Variants in TJP1 observed in about 807,000 individuals in gnomAD.
TJP1 encodes tight junction protein 1.
TJP1 carries 43 observed loss-of-function variants against 194.2 expected under a neutral mutation model. The observed-to-expected ratio is 0.22, with a 90% CI of 0.17 to 0.29. The LOEUF is 0.29. TJP1 is among the 10% of genes least tolerant of loss of function. The pLI, the probability that TJP1 is intolerant of heterozygous loss-of-function variation, is 1.00. For synonymous variants in TJP1, 801 were observed against 779.0 expected (o/e 1.03, Z -0.47); for missense variants, 1,971 against 2,185.7 (o/e 0.90, Z 1.96).
At chr15:29,746,377 C>CAA (rs527673578) in intron 8 of TJP1, among the ~76,000 whole-genome samples, 4 of 120,412 alleles carry the variant, frequency 3.3e-5, no homozygotes, top group East Asian at 2.4e-4. Context: ...GACTCCGTCT[C>CAA]AAAAAAAAAA....
At chr15:29,752,718 T>A (rs997940981) in intron 8 of TJP1, among the ~76,000 whole-genome samples, 4 of 152,170 alleles carry the variant, frequency 2.6e-5, no homozygotes, top group African/African-American at 9.7e-5. Flanking sequence ...CTTTGAAATG[T>A]TAGATAAAAC....
chr15:29,759,938 C>A (rs2151513563), intron 8 of TJP1: 1 of 405,662 alleles, frequency 2.5e-6, no homozygotes, highest in African/African-American at 2.0e-5. Context: ...GTGCAGATAT[C>A]TCTTCGAGAC....
At chr15:29,958,903 T>C (rs62014522) in intron 1 of TJP1, among the ~76,000 whole-genome samples, 82 of 122,668 alleles carry the variant, frequency 6.7e-4, no homozygotes, top group South Asian at 1.6e-3. Context: ...TTCTCCAGAT[T>C]GCAAACTTGC....
At chr15:29,828,019 A>G (rs970332513) in intron 2 of TJP1, among the ~76,000 whole-genome samples, 1 of 152,232 alleles carries the variant, frequency 6.6e-6, no homozygotes, top group Admixed American at 6.5e-5. Flanking sequence ...TGCAATTGAT[A>G]TATTTTTTAA....
chr15:29,901,454 C>T (rs1168528395), intron 2 of TJP1, among the ~76,000 whole-genome samples: 1 of 152,158 alleles, frequency 6.6e-6, no homozygotes, highest in Non-Finnish European at 1.5e-5. Context: ...CTCCTTGGGG[C>T]CTTCTCTATC....
At chr15:29,783,547 G>A (rs374460796) in intron 2 of TJP1, among the ~76,000 whole-genome samples, 47 of 152,212 alleles carry the variant, frequency 3.1e-4, no homozygotes, top group African/African-American at 1.0e-3. Context: ...AGCACTATTC[G>A]CAATAGCTAA....
intron 27 of TJP1, among the ~76,000 whole-genome samples, chr15:29,703,895 A>C (rs1595540381): frequency 6.6e-6 from 1 of 152,180 alleles, no homozygotes; most frequent in Admixed American, 6.5e-5. Flanking sequence ...CACTTGCCTC[A>C]GCCTCCCAAA....
At chr15:29,850,415 C>T (rs1312607003) in intron 2 of TJP1, among the ~76,000 whole-genome samples, 1 of 152,122 alleles carries the variant, frequency 6.6e-6, no homozygotes, top group East Asian at 1.9e-4. Context: ...ACTGCAAGCT[C>T]CGCCTCCCAG....
intron 2 of TJP1, among the ~76,000 whole-genome samples, chr15:29,867,525 A>G (rs2152112649): frequency 6.6e-6 from 1 of 152,324 alleles, no homozygotes; most frequent in African/African-American, 2.4e-5. Flanking sequence ...AGCTTTTAAT[A>G]CAGTTCTCAA....
chr15:29,809,478 T>C (rs1004304452), intron 1 of TJP1, among the ~76,000 whole-genome samples: 1 of 152,180 alleles, frequency 6.6e-6, no homozygotes, highest in African/African-American at 2.4e-5. Context: ...GGACCTCATA[T>C]GCCTAAGAGA....
Position 29,766,537 on chromosome 15 carries a change from A to G in TJP1, c.318T>C (p.Ile106=). Reference sequence around the variant, plus strand: ...GTATTTGAACTTTCTTCTTCCTTCTAATTGTCTGCAAGTTAAAAAGGTTAA... The same window carrying G: ...GTATTTGAACTTTCTTCTTCCTTCTGATTGTCTGCAAGTTAAAAAGGTTAA... ...RKSGKNAKIT[I]RRKKKVQIPV... The change falls in exon 5 of 28, where the codon ATT becomes ATC. Residue 106 remains isoleucine (I), a synonymous_variant. Coordinates refer to ENST00000614355, the MANE Select transcript of TJP1 (RefSeq NM_001330239.4). 6.5e-7 allele frequency: 1 copy of G among 1,544,500 alleles called. No homozygotes were observed. Among genetic ancestry groups the G allele is most frequent in the Non-Finnish European group, 8.7e-7 (1 of 1,148,138 alleles).
intron 2 of TJP1, among the ~76,000 whole-genome samples, chr15:29,787,684 T>A (rs1303052750): frequency 1.3e-5 from 2 of 152,224 alleles, no homozygotes; most frequent in East Asian, 3.8e-4. Context: ...AGTACTTCAT[T>A]TCTTTTTATT....
chr15:29,805,321 C>T (rs1266009383), intron 1 of TJP1, among the ~76,000 whole-genome samples: 1 of 152,214 alleles, frequency 6.6e-6, no homozygotes, highest in Non-Finnish European at 1.5e-5. Context: ...GGCAGTTTCA[C>T]TGTCCTTCAG....
chr15:29,873,205 A>G (rs750796147), intron 2 of TJP1, among the ~76,000 whole-genome samples: 4 of 152,230 alleles, frequency 2.6e-5, no homozygotes, highest in Non-Finnish European at 4.4e-5. Flanking sequence ...GGGAGCTTCA[A>G]GCATTTCTTT....
chr15:29,744,937 A>G (rs2044667076), intron 8 of TJP1, among the ~76,000 whole-genome samples: 1 of 152,176 alleles, frequency 6.6e-6, no homozygotes, highest in African/African-American at 2.4e-5. Context: ...AGAATACAGT[A>G]GTGTATTAGA....
At chr15:29,791,413 C>CCTT (rs1379996074) in intron 2 of TJP1, among the ~76,000 whole-genome samples, 1 of 51,192 alleles carries the variant, frequency 2.0e-5, no homozygotes, top group African/African-American at 8.0e-5. Context: ...CCATAATATT[C>CCTT]TTTTTTTTTT....
chr15:29,728,114 G>C, intron 15 of TJP1, 95 bp from the exon 16 acceptor site: 1 of 982,334 alleles, frequency 1.0e-6, no homozygotes, highest in Non-Finnish European at 1.6e-6. Context: ...TGCCGGACTG[G>C]ATAGTACTTT....
chr15:29,756,035 T>C (rs2045623375), intron 8 of TJP1, among the ~76,000 whole-genome samples: 1 of 151,846 alleles, frequency 6.6e-6, no homozygotes, highest in South Asian at 2.1e-4. Context: ...TAGCTGTAAA[T>C]ATGAGGAAGA....
At chr15:29,839,690 G>A (rs952407543) in intron 2 of TJP1, among the ~76,000 whole-genome samples, 20 of 152,158 alleles carry the variant, frequency 1.3e-4, no homozygotes, top group African/African-American at 4.6e-4. Context: ...CGAAAACCGT[G>A]AAACTGTTAT....
Sources: gnomAD v4.1 joint callset for allele counts (sites outside exome capture counted in the v4.1 genomes callset) on GRCh38, gnomAD v4.1.1 for gene constraint, MANE v1.5 for transcripts, NCBI Gene and HGNC (gene_info 2026-07-23, HGNC 2026-07-21) for gene names.